Variants in AGBL3 observed in about 807,000 individuals in gnomAD.
AGBL3 encodes the protein cytosolic carboxypeptidase 3.
AGBL3 carries 68 observed loss-of-function variants against 94.5 expected under a neutral mutation model. The ratio of observed to expected loss-of-function variants is 0.72; its 90% CI spans 0.59 to 0.88. The LOEUF (loss-of-function observed/expected upper bound fraction) is 0.88, where lower values mean the gene tolerates loss of function less well. Among genes scored for constraint, AGBL3 ranks in the 40% least tolerant of loss-of-function variants. The pLI, the probability that AGBL3 is intolerant of heterozygous loss-of-function variation, is 0.00. For synonymous variants in AGBL3, 354 were observed against 370.7 expected, an observed-to-expected ratio of 0.95 and a Z score of 0.52; for missense variants, 934 against 1,103.8, an observed-to-expected ratio of 0.85 and a Z score of 2.18.
At chr7:135,012,253 T>C (rs1302239862) in intron 4 of AGBL3, 2 of 152,150 alleles carry the variant, frequency 1.3e-5, no homozygotes, top group Non-Finnish European at 2.9e-5. Context: ...ATTATACACA[T>C]GCATATATAT....
chr7:135,072,156 GA>G (rs1246884917), intron 12 of AGBL3, among the ~76,000 whole-genome samples: 1 of 152,110 alleles, frequency 6.6e-6, no homozygotes, highest in Non-Finnish European at 1.5e-5. Context: ...AAAGACACAT[GA>G]AAAAAATGCT....
At position 135,135,061 on chromosome 7, in the gene AGBL3, C is replaced by A; in HGVS notation, c.2563C>A (p.Leu855Ile). The A allele has an allele frequency of 6.4e-7, 1 of 1,551,228 alleles. No homozygotes were observed. Among genetic ancestry groups the A allele is most frequent in the Non-Finnish European group, 8.7e-7 (1 of 1,146,676 alleles). ...WAIKNEDIKP[L>I]SSKWETASSS... is the part of the protein sequence containing the mutation. ...CATAAAGAATGAAGACATAAAACCT[C>A]TCAGCAGCAAGTGGGAGACTGCTTC... The change falls in exon 17 of 17, where the codon CTC becomes ATC. Residue 855 changes from leucine to isoleucine, a missense_variant. This residue lies in a region of AGBL3 where 441 missense variants were observed against 518.2 expected (regional missense o/e 0.85). Transcript: ENST00000436302.
At position 135,080,933 on chromosome 7, in the gene AGBL3, A is replaced by G. The variant is rs1046128351; in HGVS notation, c.2038+673A>G. ...CCTATTTCCCAAAAGGATTTGAGGT[A>G]ACCTAATTACACACACACACACACA... is the stretch of plus-strand genomic sequence containing the variant. On this transcript the variant is annotated intron_variant, in intron 14 of 16. Coordinates refer to ENST00000436302, the MANE Select transcript of AGBL3 (RefSeq NM_178563.4). Among the ~76,000 whole-genome samples, 3 of 72,018 alleles carry G rather than the reference A, an allele frequency of 4.2e-5. No homozygotes were observed. The East Asian group carries it at 1.3e-3, about 32-fold the overall frequency. The allele number at this position is 72,018 out of a possible 152,430, so 47.2% of individuals were successfully genotyped here.
intron 15 of AGBL3, among the ~76,000 whole-genome samples, chr7:135,108,776 T>C (rs1825159353): frequency 6.6e-6 from 1 of 152,264 alleles, no homozygotes; most frequent in Non-Finnish European, 1.5e-5. Context: ...ATGGACAATA[T>C]CCTGAAATGT....
chr7:135,082,209 C>T (rs1440771434), intron 15 of AGBL3, among the ~76,000 whole-genome samples: 1 of 152,176 alleles, frequency 6.6e-6, no homozygotes, highest in East Asian at 1.9e-4. Flanking sequence ...TTGTAAATTT[C>T]ATCCACTTCT....
intron 4 of AGBL3, among the ~76,000 whole-genome samples, chr7:135,012,811 C>T (rs1008152352): frequency 3.3e-5 from 5 of 151,962 alleles, no homozygotes; most frequent in African/African-American, 7.3e-5. Context: ...TAGACCTAAA[C>T]GAAGCTATAT....
At chr7:135,101,119 C>T (rs1157459086) in intron 15 of AGBL3, 6 of 453,704 alleles carry the variant, frequency 1.3e-5, no homozygotes, top group South Asian at 9.4e-5. Flanking sequence ...AAGACCAACA[C>T]AAACATTTTT....
At chr7:135,122,933 G>A (rs571478487) in intron 16 of AGBL3, among the ~76,000 whole-genome samples, 2 of 152,238 alleles carry the variant, frequency 1.3e-5, no homozygotes, top group East Asian at 3.9e-4. Flanking sequence ...TCATGAAGAT[G>A]GGAAAGAATT....
Position 135,080,250 on chromosome 7 carries a change from T to G in AGBL3, c.2028T>G (p.Ser676=). Residue 676 remains serine, a synonymous_variant, in exon 14 of 17, where the codon TCT becomes TCG. Transcript: ENST00000436302. ...TGCAAAGACACACACAATCAAATTC[T>G]GATGTGAAAGGTAATATTCTGCTTC... ...HLLQRHTQSN[S]DVKDTRPNEP... 1 of 1,549,264 alleles carries G rather than the reference T, an allele frequency of 6.5e-7. No homozygotes were observed. Among genetic ancestry groups the G allele is most frequent in the South Asian group, 1.2e-5 (1 of 84,004 alleles).
chr7:135,073,725 G>C (rs1820188962), intron 12 of AGBL3, among the ~76,000 whole-genome samples: 1 of 151,920 alleles, frequency 6.6e-6, no homozygotes, highest in Non-Finnish European at 1.5e-5. Flanking sequence ...TGAGCAAGCA[G>C]GGGGTACGTG....
chr7:135,067,605 C>T (rs62479662), intron 12 of AGBL3, among the ~76,000 whole-genome samples: 74,122 of 152,132 alleles, frequency 0.49, 18,413 homozygotes, highest in South Asian at 0.66. Flanking sequence ...CTGCAGCCTC[C>T]GCTGCTGATA....
chr7:135,069,681 A>C (rs945976562), intron 12 of AGBL3, among the ~76,000 whole-genome samples: 3 of 152,262 alleles, frequency 2.0e-5, no homozygotes, highest in Non-Finnish European at 4.4e-5. Flanking sequence ...ACCAACGAGA[A>C]CAAAGACAAA....
chr7:135,096,365 GAC>G (rs1170719012), intron 15 of AGBL3, among the ~76,000 whole-genome samples: 13 of 149,084 alleles, frequency 8.7e-5, no homozygotes, highest in African/African-American at 1.5e-4. Flanking sequence ...GAGAGAGACA[GAC>G]AGACAGACAG....
chr7:135,070,629 T>A (rs571945466), intron 12 of AGBL3, among the ~76,000 whole-genome samples: 1 of 152,112 alleles, frequency 6.6e-6, no homozygotes, highest in South Asian at 2.1e-4. Flanking sequence ...AAAAACCATA[T>A]GATTATCTCA....
Position 135,134,894 on chromosome 7 carries a change from C to T in AGBL3, c.2396C>T (p.Ala799Val). ...NIKKYSTSWT[A>V]PRNHPFVIQG... ...AAGAAATACAGCACATCTTGGACAGCACCCAGAAATCACCCTTTTGTAATC... is the reference window on the plus strand; with the variant it reads ...AAGAAATACAGCACATCTTGGACAGTACCCAGAAATCACCCTTTTGTAATC... Residue 799 changes from alanine to valine, a missense_variant, in exon 17 of 17, where the codon GCA becomes GTA. Ala to Val is a moderately conservative substitution (Grantham distance 64, BLOSUM62 0). Transcript: ENST00000436302. The T allele has an allele frequency of 5.8e-6, 9 of 1,551,128 alleles. No homozygotes were observed. Among genetic ancestry groups the T allele is most frequent in the Non-Finnish European group, 7.8e-6 (9 of 1,146,624 alleles).
At chr7:134,989,701 A>G (rs1437569058) in intron 3 of AGBL3, among the ~76,000 whole-genome samples, 1 of 152,212 alleles carries the variant, frequency 6.6e-6, no homozygotes, top group African/African-American at 2.4e-5. Flanking sequence ...GTGTGTGGAC[A>G]TCTTGATGTA....
chr7:135,103,729 G>T (rs1824216663), intron 15 of AGBL3, among the ~76,000 whole-genome samples: 1 of 152,166 alleles, frequency 6.6e-6, no homozygotes, highest in Non-Finnish European at 1.5e-5. Flanking sequence ...GTATAAATAA[G>T]CAGAGTCAGG....
intron 15 of AGBL3, among the ~76,000 whole-genome samples, chr7:135,086,549 C>T (rs962840373): frequency 1.3e-5 from 2 of 151,910 alleles, no homozygotes; most frequent in African/African-American, 4.8e-5. Context: ...TTATCAAATG[C>T]TTTTTCTGCA....
At chr7:135,094,658 A>T in intron 15 of AGBL3, 1 of 386,146 alleles carries the variant, frequency 2.6e-6, no homozygotes. Context: ...CTACTCTCTT[A>T]GGGTGTTAAC....
Sources: gnomAD v4.1 joint callset for allele counts (sites outside exome capture counted in the v4.1 genomes callset) on GRCh38, gnomAD v4.1.1 for gene constraint, gnomAD v4.1.1 regional missense constraint, MANE v1.5 for transcripts, NCBI Gene and HGNC (gene_info 2026-07-23, HGNC 2026-07-21) for gene names.